Variants in NLGN4Y observed in about 807,000 individuals in gnomAD.
NLGN4Y encodes the protein neuroligin-4, Y-linked.
NLGN4Y carries 4 observed loss-of-function variants against 8.4 expected under a neutral mutation model. That is an observed-to-expected ratio of 0.48 (90% CI 0.23 to 1.09). NLGN4Y has a LOEUF of 1.09. NLGN4Y is among the 50% of genes least tolerant of loss of function. The pLI is 0.19. For synonymous variants in NLGN4Y, 35 were observed against 75.6 expected (o/e 0.46, Z 2.78); for missense variants, 90 against 192.3 (o/e 0.47, Z 3.15).
rs780512789 is a variant in NLGN4Y, at chrY:14,742,929, A to G, written c.685+19660A>G. On this transcript the variant is annotated intron_variant, in intron 4 of 6. Transcript: ENST00000684976. ...ATATTTATATTACATACGAATAATC[A>G]TCACGTTCTGACAGAATTTGTTAAT... Among the ~76,000 whole-genome samples, 4 of 32,244 alleles carry G rather than the reference A, an allele frequency of 1.2e-4. No individual in the cohort carries two copies. The South Asian group carries it at 2.7e-3, about 22-fold the overall frequency. The allele number at this position is 32,244 out of a possible 37,273, so 86.5% of individuals were successfully genotyped here. A position where few individuals can be genotyped will look rare whatever the true frequency, so the allele number is the denominator to read the frequency against.
chrY:14,763,383 G>T (rs2081085992), intron 4 of NLGN4Y, among the ~76,000 whole-genome samples: 3 of 32,807 alleles, frequency 9.1e-5, no homozygotes, highest in Non-Finnish European at 1.5e-4. Flanking sequence ...TTATGAATTG[G>T]CAATAAAAAG....
At chrY:14,683,640 T>A (rs868479073) in intron 2 of NLGN4Y, among the ~76,000 whole-genome samples, 4 of 33,375 alleles carry the variant, frequency 1.2e-4, no homozygotes, top group South Asian at 1.3e-3. Context: ...TTTATTCCAT[T>A]GTTGATAAGC....
At chrY:14,559,293 TCTC>T (rs2080219131) in intron 1 of NLGN4Y, among the ~76,000 whole-genome samples, 1 of 33,228 alleles carries the variant, frequency 3.0e-5, no homozygotes, top group Non-Finnish European at 7.5e-5. Context: ...GGTTAGAAGA[TCTC>T]CTGATGAATC....
At chrY:14,666,438 GTTACTGAGGTT>G (rs2080691763) in intron 2 of NLGN4Y, among the ~76,000 whole-genome samples, 1 of 32,856 alleles carries the variant, frequency 3.0e-5, no homozygotes, top group East Asian at 8.1e-4. Context: ...TTCATTTATC[GTTACTGAGGTT>G]TTACTTTTTT....
At chrY:14,732,456 G>T (rs1004301239) in intron 4 of NLGN4Y, among the ~76,000 whole-genome samples, 4 of 33,760 alleles carry the variant, frequency 1.2e-4, no homozygotes, top group Admixed American at 2.7e-4. Context: ...GTATTCATTG[G>T]TCCATTTTTT....
At chrY:14,588,515 A>G (rs2080348677) in intron 1 of NLGN4Y, among the ~76,000 whole-genome samples, 1 of 33,975 alleles carries the variant, frequency 2.9e-5, no homozygotes, top group South Asian at 6.7e-4. Context: ...TGTGGGAATT[A>G]TGAGAGCTAC....
intron 1 of NLGN4Y, among the ~76,000 whole-genome samples, chrY:14,606,665 G>A (rs2080447519): frequency 3.1e-5 from 1 of 32,598 alleles, no homozygotes; most frequent in African/African-American, 1.2e-4. Context: ...ATTACAACCT[G>A]AGTCACAATA....
At chrY:14,773,151 A>G (rs2081112514) in intron 4 of NLGN4Y, among the ~76,000 whole-genome samples, 1 of 33,322 alleles carries the variant, frequency 3.0e-5, no homozygotes, top group African/African-American at 1.2e-4. Context: ...AGATGACATG[A>G]TTGTATATTT....
At chrY:14,675,972 A>G (rs1603502611) in intron 2 of NLGN4Y, among the ~76,000 whole-genome samples, 2 of 33,116 alleles carry the variant, frequency 6.0e-5, no homozygotes, top group East Asian at 1.6e-3. Context: ...CTCTCTCCTC[A>G]TCAAGGTTTA....
intron 5 of NLGN4Y, among the ~76,000 whole-genome samples, chrY:14,829,483 C>T (rs2043162484): frequency 3.2e-5 from 1 of 31,226 alleles, no homozygotes; most frequent in African/African-American, 1.2e-4. Flanking sequence ...CGAAAAGCCT[C>T]AATGTGGTTT....
chrY:14,771,014 G>A (rs2081106447), intron 4 of NLGN4Y, among the ~76,000 whole-genome samples: 1 of 32,211 alleles, frequency 3.1e-5, no homozygotes, highest in Admixed American at 2.9e-4. Context: ...GAAAAAAGAA[G>A]GAAAATGAAT....
chrY:14,823,021 GA>G (rs768379158), intron 4 of NLGN4Y, among the ~76,000 whole-genome samples: 3 of 30,913 alleles, frequency 9.7e-5, no homozygotes, highest in African/African-American at 3.7e-4. Context: ...GTCATTGTAG[GA>G]AAAAAAAAAT....
At chrY:14,745,181 G>A in intron 4 of NLGN4Y, among the ~76,000 whole-genome samples, 1 of 33,547 alleles carries the variant, frequency 3.0e-5, no homozygotes, top group Non-Finnish European at 7.4e-5. Flanking sequence ...ATCAAAGAAG[G>A]GATATGTTTT....
chrY:14,547,711 C>T (rs1478748154), intron 1 of NLGN4Y, among the ~76,000 whole-genome samples: 3 of 33,741 alleles, frequency 8.9e-5, no homozygotes, highest in Non-Finnish European at 1.5e-4. Context: ...ATGGATGAAT[C>T]ATAGCAGGAC....
chrY:14,577,018 C>T, intron 1 of NLGN4Y, among the ~76,000 whole-genome samples: 1 of 33,856 alleles, frequency 3.0e-5, no homozygotes, highest in Non-Finnish European at 7.3e-5. Context: ...ATAAACTGAA[C>T]TGGCCAAGAA....
chrY:14,602,473 T>C, intron 1 of NLGN4Y, among the ~76,000 whole-genome samples: 1 of 33,055 alleles, frequency 3.0e-5, no homozygotes, highest in East Asian at 8.1e-4. Context: ...CAGGATTCGG[T>C]TTTCAGAATG....
At chrY:14,698,898 T>C in intron 2 of NLGN4Y, among the ~76,000 whole-genome samples, 1 of 33,373 alleles carries the variant, frequency 3.0e-5, no homozygotes, top group African/African-American at 1.2e-4. Context: ...TTTATTTGTA[T>C]AGAAACTTCC....
At chrY:14,791,965 T>TA (rs2042987452) in intron 4 of NLGN4Y, among the ~76,000 whole-genome samples, 1 of 33,575 alleles carries the variant, frequency 3.0e-5, no homozygotes, top group East Asian at 7.8e-4. Flanking sequence ...CTCCAATATA[T>TA]TTTTTGGGAA....
chrY:14,774,772 T>G, intron 4 of NLGN4Y, among the ~76,000 whole-genome samples: 1 of 33,370 alleles, frequency 3.0e-5, no homozygotes, highest in Non-Finnish European at 7.4e-5. Context: ...TGTCCATCAA[T>G]GATAGACTAC....
Sources: allele counts gnomAD v4.1 joint callset (sites outside exome capture counted in the v4.1 genomes callset), GRCh38; gene constraint gnomAD v4.1.1; transcripts MANE v1.5; gene names NCBI Gene and HGNC (gene_info 2026-07-23, HGNC 2026-07-21).